The following THSD7A variants were observed in gnomAD, a reference collection of about 807,000 sequenced individuals.
THSD7A encodes thrombospondin type 1 domain containing 7A.
A neutral mutation model predicts 231.3 loss-of-function variants in THSD7A; 96 were observed. The ratio of observed to expected loss-of-function variants is 0.41; its 90% confidence interval spans 0.35 to 0.49. THSD7A has a LOEUF of 0.49. Among genes scored for constraint, THSD7A ranks in the 20% least tolerant of loss-of-function variants. The probability of loss-of-function intolerance (pLI) is 0.05; values close to 1 mark genes in which losing one functional copy is unlikely to be tolerated. For synonymous variants in THSD7A, 940 were observed against 743.3 expected, an observed-to-expected ratio of 1.26 and a Z score of -4.30; for missense variants, 2,290 against 2,070.2, an observed-to-expected ratio of 1.11 and a Z score of -2.06.
At chr7:11,620,900 C>T (rs1175079928) in intron 2 of THSD7A, among the ~76,000 whole-genome samples, 3 of 152,120 alleles carry the variant, frequency 2.0e-5, no homozygotes, top group Non-Finnish European at 4.4e-5. Context: ...CTATCCATAG[C>T]AACAATATAG....
intron 14 of THSD7A, among the ~76,000 whole-genome samples, chr7:11,428,386 G>A (rs1784384437): frequency 6.6e-6 from 1 of 152,094 alleles, no homozygotes; most frequent in Non-Finnish European, 1.5e-5. Context: ...TGCATCAAAA[G>A]TCAGAGTTCC....
rs564709494 is a variant in THSD7A at position 11,759,396 on chromosome 7, G to C, written c.190+72361C>G. Among the ~76,000 whole-genome samples, 6 of 152,144 alleles carry C rather than the reference G, an allele frequency of 3.9e-5. No homozygotes were observed. The South Asian group carries it at 1.0e-3, about 26-fold the overall frequency. On this transcript the variant is annotated intron_variant, in intron 1 of 27. Transcript: ENST00000423059. Reference sequence around the variant, plus strand: ...AAACAGCAGATGAGATACAGGAGAAGAGATAATAAGTTGAAAGATATTAAT... The same window carrying C: ...AAACAGCAGATGAGATACAGGAGAACAGATAATAAGTTGAAAGATATTAAT...
chr7:11,487,806 A>G lies in THSD7A; in HGVS notation c.1823-5824T>C, dbSNP rs10224144. Among the ~76,000 whole-genome samples the G allele has an allele frequency of 8.8e-3, 1,340 of 152,220 alleles. 31 individuals carry two copies. The highest frequency in any genetic ancestry group is 0.031 in the African/African-American group (1,273 of 41,532). ...GGGAGACCGACACCATTATTTAATTATCTCCACCTGGCCCCACCCTTGACA... is the reference window on the plus strand; with the variant it reads ...GGGAGACCGACACCATTATTTAATTGTCTCCACCTGGCCCCACCCTTGACA... On this transcript the variant is annotated intron_variant, in intron 6 of 27. Coordinates refer to ENST00000423059, the MANE Select transcript of THSD7A (RefSeq NM_015204.3).
chr7:11,407,065 A>G lies in THSD7A; in HGVS notation c.3917-10T>C. 1 of 1,613,328 alleles carries G rather than the reference A, an allele frequency of 6.2e-7. No homozygotes were observed. The stretch of plus-strand genomic sequence containing the variant: ...CTTCGGATCATTTTTCCTTGAAGAG[A>G]TACAAAGTGATGCACCTTTAATATA... On this transcript the variant is annotated splice_polypyrimidine_tract_variant and intron_variant, in intron 20 of 27. Transcript: ENST00000423059.
intron 1 of THSD7A, among the ~76,000 whole-genome samples, chr7:11,762,285 G>T (rs56305622): frequency 0.03 from 4,636 of 152,212 alleles, 233 homozygotes; most frequent in African/African-American, 0.11. Context: ...GAATGGTAAT[G>T]ATATTGTTAG....
At chr7:11,571,099 G>A (rs990683795) in intron 4 of THSD7A, among the ~76,000 whole-genome samples, 4 of 152,110 alleles carry the variant, frequency 2.6e-5, no homozygotes, top group Non-Finnish European at 5.9e-5. Context: ...TAGTTGGGAG[G>A]ACACATCAGT....
At chr7:11,586,973 A>G (rs1779935371) in intron 4 of THSD7A, among the ~76,000 whole-genome samples, 1 of 152,212 alleles carries the variant, frequency 6.6e-6, no homozygotes, top group Admixed American at 6.5e-5. Flanking sequence ...TGTTTTCTAC[A>G]GAGAAATGCT....
intron 1 of THSD7A, among the ~76,000 whole-genome samples, chr7:11,766,201 A>G (rs1783024376): frequency 1.3e-5 from 2 of 152,182 alleles, no homozygotes; most frequent in Admixed American, 1.3e-4. Context: ...ATGACAGTCC[A>G]TTTAGCAATC....
At chr7:11,504,115 A>T (rs552213863) in intron 6 of THSD7A, among the ~76,000 whole-genome samples, 14 of 152,368 alleles carry the variant, frequency 9.2e-5, no homozygotes, top group African/African-American at 3.1e-4. Flanking sequence ...TATACCATGG[A>T]ATATTATGCA....
intron 4 of THSD7A, among the ~76,000 whole-genome samples, chr7:11,564,408 G>A (rs1241831748): frequency 1.3e-5 from 2 of 152,174 alleles, no homozygotes; most frequent in African/African-American, 4.8e-5. Context: ...CTGCGTGTCA[G>A]CAAGTTAGGA....
At chr7:11,821,077 G>A (rs1784859776) in intron 1 of THSD7A, 2 of 987,946 alleles carry the variant, frequency 2.0e-6, no homozygotes, top group Admixed American at 1.9e-5. Context: ...AAAGTACTGC[G>A]GGAAATGTCT....
chr7:11,824,753 A>G (rs1338297710), intron 1 of THSD7A, among the ~76,000 whole-genome samples: 3 of 152,176 alleles, frequency 2.0e-5, no homozygotes, highest in African/African-American at 4.8e-5. Flanking sequence ...GTGGTTTTTA[A>G]AATGTATTTA....
intron 1 of THSD7A, among the ~76,000 whole-genome samples, chr7:11,830,627 T>A (rs1785166142): frequency 6.6e-6 from 1 of 152,256 alleles, no homozygotes; most frequent in Admixed American, 6.5e-5. Flanking sequence ...AATAAATTTC[T>A]GTTTAATCTC....
At chr7:11,410,502 A>G (rs1783746612) in intron 19 of THSD7A, 1 of 152,244 alleles carries the variant, frequency 6.6e-6, no homozygotes, top group Non-Finnish European at 1.5e-5. Flanking sequence ...CCTCAGATGC[A>G]TGGAGAGTCA....
intron 23 of THSD7A, among the ~76,000 whole-genome samples, chr7:11,394,449 C>G (rs1220045312): frequency 6.6e-6 from 1 of 152,092 alleles, no homozygotes; most frequent in Admixed American, 6.6e-5. Flanking sequence ...AAGGAGCAGG[C>G]CTTCGGAAAG....
rs1271717643 is a variant in THSD7A at position 11,638,097 on chromosome 7, C to G, written c.191-1136G>C. Reference sequence around the variant, plus strand: ...CACCCTTACACTACTGTCGTCCTCCCTGATTGATGCTTTTATAAGAAAAAC... The same window carrying G: ...CACCCTTACACTACTGTCGTCCTCCGTGATTGATGCTTTTATAAGAAAAAC... On this transcript the variant is annotated intron_variant, in intron 1 of 27. Coordinates refer to ENST00000423059, the MANE Select transcript of THSD7A (RefSeq NM_015204.3). 2.0e-5 allele frequency among the ~76,000 whole-genome samples: 3 copies of G among 152,102 alleles called. No homozygotes were observed. In the East Asian group the frequency reaches 5.8e-4, roughly 29 times the overall value.
intron 6 of THSD7A, among the ~76,000 whole-genome samples, chr7:11,518,623 A>ACG (rs1456124630): frequency 3.4e-5 from 5 of 146,292 alleles, no homozygotes; most frequent in South Asian, 2.2e-4. Context: ...ACACACACGC[A>ACG]CACACAGGCA....
chr7:11,560,801 G>T (rs1307695581), intron 4 of THSD7A, among the ~76,000 whole-genome samples: 2 of 151,742 alleles, frequency 1.3e-5, no homozygotes, highest in East Asian at 3.9e-4. Flanking sequence ...CTGGTGGTTT[G>T]TGGCTGAAAA....
chr7:11,384,127 T>A (rs1293319474), intron 23 of THSD7A: 7 of 151,818 alleles, frequency 4.6e-5, no homozygotes, highest in Admixed American at 1.3e-4. Flanking sequence ...AATTTTGTTT[T>A]TTGATCATTT....
Sources: allele counts gnomAD v4.1 joint callset (sites outside exome capture counted in the v4.1 genomes callset), GRCh38; gene constraint gnomAD v4.1.1; transcripts MANE v1.5; gene names NCBI Gene and HGNC (gene_info 2026-07-23, HGNC 2026-07-21).